The following C10orf71 variants were observed in gnomAD, a reference collection of about 807,000 sequenced individuals.
C10orf71 encodes the protein cardiac-enriched FHL2-interacting protein.
For missense variants in C10orf71, 1,869 were observed against 1,804.5 expected, an observed-to-expected ratio of 1.04 and a Z score of -0.65; for synonymous variants, 758 against 726.3, an observed-to-expected ratio of 1.04 and a Z score of -0.70.
rs752170407 is a variant in C10orf71 at position 49,326,457 on chromosome 10, G to T, written c.3912G>T (p.Thr1304=). The part of the protein sequence containing the change: ...VKIKTFYDPE[T]GKYVKVSIPS... Reference sequence around the variant, plus strand: ...TCAAGACCTTCTATGACCCAGAGACGGGCAAGTATGTCAAGGTCTCCATCC... The same window carrying T: ...TCAAGACCTTCTATGACCCAGAGACTGGCAAGTATGTCAAGGTCTCCATCC... Residue 1304 remains threonine (T), a synonymous_variant, in exon 3 of 3, where the codon ACG becomes ACT. Transcript: ENST00000374144. 2.1e-5 allele frequency: 33 copies of T among 1,550,102 alleles called. No homozygotes were observed. Among genetic ancestry groups the T allele is most frequent in the Non-Finnish European group, 2.7e-5 (31 of 1,146,790 alleles).
rs2132433459 is a variant in C10orf71, at chr10:49,323,538, C to T, written c.993C>T (p.Cys331=). 1.9e-6 allele frequency: 3 copies of T among 1,610,044 alleles called. No individual in the cohort carries two copies. The highest frequency in any genetic ancestry group is 2.5e-6 in the Non-Finnish European group (3 of 1,177,310). The change falls in exon 3 of 3, where the codon TGC becomes TGT. Residue 331 remains cysteine (C), a synonymous_variant. Coordinates refer to ENST00000374144, the MANE Select transcript of C10orf71 (RefSeq NM_001135196.2). ...TVSPCQVQAS[C]SQEENRLAAG... ...CTCCCTGCCAGGTCCAGGCCAGCTG[C>T]AGTCAGGAAGAGAACAGACTTGCAG... is the stretch of plus-strand genomic sequence containing the variant.
intron 1 of C10orf71, among the ~76,000 whole-genome samples, chr10:49,304,726 G>A (rs1417649365): frequency 6.6e-6 from 1 of 152,214 alleles, no homozygotes; most frequent in Admixed American, 6.5e-5. Context: ...CTTAGTGCCT[G>A]GCTCCCTTCC....
chr10:49,320,827 T>C (rs1017593724), intron 2 of C10orf71, among the ~76,000 whole-genome samples: 2 of 152,152 alleles, frequency 1.3e-5, no homozygotes. Flanking sequence ...ATGACACAGC[T>C]CCAATCCAAA....
chr10:49,325,057 G>T lies in C10orf71; in HGVS notation c.2512G>T (p.Ala838Ser), dbSNP rs753142905. The change falls in exon 3 of 3, where the codon GCC becomes TCC. Residue 838 changes from alanine to serine, a missense_variant. Ala to Ser is a moderately conservative substitution (Grantham distance 99, BLOSUM62 1). Transcript: ENST00000374144. ...GENKGTTFSQ[A>S]KDLTPSPSSA... ...AAATAAGGGCACAACCTTTTCACAGGCCAAAGACCTTACTCCCTCACCATC... is the reference window on the plus strand; with the variant it reads ...AAATAAGGGCACAACCTTTTCACAGTCCAAAGACCTTACTCCCTCACCATC... 4.8e-5 allele frequency: 74 copies of T among 1,551,680 alleles called. 3 individuals are homozygous for T. The Middle Eastern group carries it at 6.6e-4, about 14-fold the overall frequency.
intron 1 of C10orf71, among the ~76,000 whole-genome samples, chr10:49,302,780 C>T (rs146019350): frequency 1.2e-4 from 18 of 152,254 alleles, no homozygotes; most frequent in African/African-American, 4.1e-4. Context: ...CAGGCTTCAC[C>T]CCAGCTCCTC....
rs748444986 is a variant in C10orf71, at chr10:49,325,891, G to A, written c.3346G>A (p.Ala1116Thr). 68 of 1,549,750 alleles carry A rather than the reference G, an allele frequency of 4.4e-5. 1 individual carries two copies. The East Asian group carries it at 7.6e-4, about 17-fold the overall frequency. ...RVTRREDLTH[A>T]LVWEGGSDPL... ...CACCCGGAGGGAGGACCTGACCCACGCCCTCGTGTGGGAGGGCGGCTCTGA... is the reference window on the plus strand; with the variant it reads ...CACCCGGAGGGAGGACCTGACCCACACCCTCGTGTGGGAGGGCGGCTCTGA... Residue 1116 changes from alanine (A) to threonine (T), a missense_variant, in exon 3 of 3, where the codon GCC becomes ACC. By Grantham distance (58) the Ala-to-Thr change is moderately conservative (BLOSUM62 0). Coordinates refer to ENST00000374144, the MANE Select transcript of C10orf71 (RefSeq NM_001135196.2).
Position 49,325,601 on chromosome 10 carries a change from A to C in C10orf71, c.3056A>C (p.Gln1019Pro). The C allele has an allele frequency of 6.4e-7, 1 of 1,552,040 alleles. No homozygotes were observed. The highest frequency in any genetic ancestry group is 8.7e-7 in the Non-Finnish European group (1 of 1,147,050). ...ATAGAAGACCAGCCACCCCCATGGC[A>C]GCCCGAAAACTGTTGGGAAGAGCAA... The part of the protein sequence containing the change: ...GDIEDQPPPW[Q>P]PENCWEEQTP... The change falls in exon 3 of 3, where the codon CAG becomes CCG. Residue 1019 changes from glutamine (Q) to proline (P), a missense_variant. Gln to Pro is a moderately conservative substitution (Grantham distance 76). Transcript: ENST00000374144.
chr10:49,311,206 G>A (rs1479579352), intron 1 of C10orf71, among the ~76,000 whole-genome samples: 1 of 152,182 alleles, frequency 6.6e-6, no homozygotes, highest in Non-Finnish European at 1.5e-5. Context: ...TGGGGCTCTG[G>A]TCCTATGGAC....
In C10orf71 at chr10:49,324,573, G is replaced by A; in HGVS notation, c.2028G>A (p.Val676=). Residue 676 remains valine, a synonymous_variant, in exon 3 of 3, where the codon GTG becomes GTA. Transcript: ENST00000374144. ...TAGAGAATGGGCTCTCCAGATCTGT[G>A]TCCCAAGAGACAGAACCTGAGAGGG... The part of the protein sequence containing the change: ...HQLENGLSRS[V]SQETEPEREA... The A allele has an allele frequency of 6.2e-7, 1 of 1,613,874 alleles. No individual in the cohort carries two copies. Among genetic ancestry groups the A allele is most frequent in the South Asian group, 1.1e-5 (1 of 91,062 alleles).
chr10:49,307,201 G>C (rs12572137), intron 1 of C10orf71, among the ~76,000 whole-genome samples: 1 of 152,070 alleles, frequency 6.6e-6, no homozygotes, highest in African/African-American at 2.4e-5. Flanking sequence ...ACAAGGAGAC[G>C]CCAAGGGCAC....
rs950148539 is a variant in C10orf71, at chr10:49,325,981, G to A, written c.3436G>A (p.Val1146Met). 6 of 1,551,586 alleles carry A rather than the reference G, an allele frequency of 3.9e-6. No homozygotes were observed. In the African/African-American group the frequency reaches 8.2e-5, roughly 21 times the overall value. ...TLSPRGSLLD[V>M]ATSPAGTSGR... ...CTCTCCAAGAGGTTCATTGCTGGAT[G>A]TGGCCACCAGCCCAGCAGGCACCTC... Residue 1146 changes from valine (V) to methionine (M), a missense_variant, in exon 3 of 3, where the codon GTG becomes ATG. Coordinates refer to ENST00000374144, the MANE Select transcript of C10orf71 (RefSeq NM_001135196.2).
rs1464665923 is a variant in C10orf71, at chr10:49,323,238, C to T, written c.693C>T (p.Gly231=). The T allele has an allele frequency of 2.5e-6, 4 of 1,613,880 alleles. No homozygotes were observed. The highest frequency in any genetic ancestry group is 3.3e-5 in the Admixed American group (2 of 60,010). Residue 231 remains glycine, a synonymous_variant, in exon 3 of 3, where the codon GGC becomes GGT. Coordinates refer to ENST00000374144, the MANE Select transcript of C10orf71 (RefSeq NM_001135196.2). ...AGAATCCAGAAATGGCCTGTCACGG[C>T]TCCAGCAGCTTCCTCCCAGCAGCCA... ...SSKNPEMACH[G]SSSFLPAAND...
intron 2 of C10orf71, among the ~76,000 whole-genome samples, chr10:49,322,040 AT>A (rs1226473777): frequency 6.6e-6 from 1 of 152,016 alleles, no homozygotes; most frequent in Non-Finnish European, 1.5e-5. Flanking sequence ...CATTTTTGTG[AT>A]TGTTTCCCTT....
intron 1 of C10orf71, among the ~76,000 whole-genome samples, chr10:49,307,875 C>G (rs961930722): frequency 6.6e-6 from 1 of 152,122 alleles, no homozygotes; most frequent in African/African-American, 2.4e-5. Context: ...CCATAAGGGT[C>G]CCTCCCTGGG....
chr10:49,302,846 C>A lies in C10orf71; in HGVS notation c.-248+3613C>A, dbSNP rs1275277149. 2.0e-5 allele frequency among the ~76,000 whole-genome samples: 3 copies of A among 152,160 alleles called. No homozygotes were observed. The East Asian group carries it at 5.8e-4, about 29-fold the overall frequency. Reference sequence around the variant, plus strand: ...AGGGATTCCACACTGCGCTTGGAAGCCTGTGGCTCAGAAGGGGCAACAGGA... The same window carrying A: ...AGGGATTCCACACTGCGCTTGGAAGACTGTGGCTCAGAAGGGGCAACAGGA... On this transcript the variant is annotated intron_variant, in intron 1 of 2. Transcript: ENST00000374144.
rs769239325 is a variant in C10orf71, at chr10:49,323,540, G to A, written c.995G>A (p.Ser332Asn). ...CCCTGCCAGGTCCAGGCCAGCTGCA[G>A]TCAGGAAGAGAACAGACTTGCAGCA... is the stretch of plus-strand genomic sequence containing the variant. ...VSPCQVQASC[S>N]QEENRLAAGA... Residue 332 changes from serine (S) to asparagine (N), a missense_variant, in exon 3 of 3, where the codon AGT becomes AAT. Coordinates refer to ENST00000374144, the MANE Select transcript of C10orf71 (RefSeq NM_001135196.2). 33 of 1,609,868 alleles carry A rather than the reference G, an allele frequency of 2.0e-5. No individual in the cohort carries two copies. Among genetic ancestry groups the A allele is most frequent in the Non-Finnish European group, 1.1e-5 (13 of 1,177,320 alleles).
At chr10:49,305,095 A>T (rs1166202503) in intron 1 of C10orf71, among the ~76,000 whole-genome samples, 1 of 152,208 alleles carries the variant, frequency 6.6e-6, no homozygotes, top group Non-Finnish European at 1.5e-5. Context: ...TTTGCACCCC[A>T]TGCTATGGAA....
At chr10:49,321,705 C>G (rs908969544) in intron 2 of C10orf71, among the ~76,000 whole-genome samples, 2 of 152,172 alleles carry the variant, frequency 1.3e-5, no homozygotes, top group African/African-American at 4.8e-5. Context: ...ACATCCTTAC[C>G]AACACTTGTC....
In C10orf71 at chr10:49,312,556, C is replaced by T. The variant is rs560648048; in HGVS notation, c.-247-3589C>T. 1.7e-4 allele frequency among the ~76,000 whole-genome samples: 26 copies of T among 152,312 alleles called. No individual in the cohort carries two copies. In the South Asian group the frequency reaches 2.5e-3, roughly 15 times the overall value. On this transcript the variant is annotated intron_variant, in intron 1 of 2. Transcript: ENST00000374144. ...ATGTACTCAACAAAAGTTTGCTGGA[C>T]GCTGGCCCTCCAGAAGGCATCAAAG... is the stretch of plus-strand genomic sequence containing the variant.
Sources: allele counts gnomAD v4.1 joint callset (sites outside exome capture counted in the v4.1 genomes callset), GRCh38; gene constraint gnomAD v4.1.1; transcripts MANE v1.5; gene names NCBI Gene and HGNC (gene_info 2026-07-23, HGNC 2026-07-21).